CNGA3: variants seen among roughly 807,000 people sequenced by gnomAD.
CNGA3 encodes the protein cyclic nucleotide gated channel subunit alpha 3, also known as cyclic nucleotide-gated channel alpha-3.
In CNGA3, 42 loss-of-function variants were observed where a neutral mutation model predicts 46.6. The ratio of observed to expected loss-of-function variants is 0.90; its 90% CI spans 0.70 to 1.17. The LOEUF is 1.17. Among genes scored for constraint, CNGA3 ranks in the 50% most tolerant of loss-of-function variants. The probability of loss-of-function intolerance (pLI) is 0.00; values close to 1 mark genes in which losing one functional copy is unlikely to be tolerated. For missense variants in CNGA3, 893 were observed against 890.7 expected (o/e 1.00, Z -0.03); for synonymous variants, 394 against 369.4 (o/e 1.07, Z -0.76).
chr2:98,349,121 A>AT (rs886844946), intron 1 of CNGA3, among the ~76,000 whole-genome samples: 1 of 152,126 alleles, frequency 6.6e-6, no homozygotes, highest in Non-Finnish European at 1.5e-5. Context: ...GCAATGTCTG[A>AT]TTTTTTGGGG....
At chr2:98,385,210 G>A (rs753216832) in intron 5 of CNGA3, among the ~76,000 whole-genome samples, 3 of 152,160 alleles carry the variant, frequency 2.0e-5, no homozygotes, top group African/African-American at 2.4e-5. Context: ...TGAGTCCGGC[G>A]TAAACTGCAG....
chr2:98,375,305 G>A (rs1272903145), intron 2 of CNGA3, among the ~76,000 whole-genome samples: 1 of 152,220 alleles, frequency 6.6e-6, no homozygotes, highest in African/African-American at 2.4e-5. Flanking sequence ...TTGGTGCCTA[G>A]AGCTCCCTGA....
chr2:98,392,137 C>G (rs1339168844), intron 7 of CNGA3, among the ~76,000 whole-genome samples, 167 bp downstream of exon 7: 5 of 152,212 alleles, frequency 3.3e-5, no homozygotes, highest in African/African-American at 1.2e-4. Flanking sequence ...CCCTTCTACA[C>G]GGAACCCTTG....
rs749591705 is a variant in CNGA3 at position 98,396,210 on chromosome 2, G to A, written c.1040G>A (p.Arg347His). The part of the protein sequence containing the change: ...YPNISIPEHG[R>H]LSRKYIYSLY... ...AACATCTCAATCCCAGAGCATGGGC[G>A]CCTCTCCAGGAAGTACATTTACAGT... The change falls in exon 8 of 8, where the codon CGC becomes CAC. Residue 347 changes from arginine (R) to histidine (H), a missense_variant. By Grantham distance (29) the Arg-to-His change is conservative (BLOSUM62 0). Around this residue, in one of 3 missense-constraint regions of CNGA3, gnomAD observed 548 missense variants for 570.8 expected, o/e 0.96. Transcript: ENST00000272602. The A allele has an allele frequency of 7.4e-6, 12 of 1,614,032 alleles. No individual in the cohort carries two copies. Among genetic ancestry groups the A allele is most frequent in the Admixed American group, 5.0e-5 (3 of 60,006 alleles).
chr2:98,389,689 G>T lies in CNGA3; in HGVS notation c.481G>T (p.Val161Leu). 1 of 1,613,910 alleles carries T rather than the reference G, an allele frequency of 6.2e-7. No individual in the cohort carries two copies. The change falls in exon 6 of 8, where the codon GTG becomes TTG. Residue 161 changes from valine to leucine, a missense_variant. Coordinates refer to ENST00000272602, the MANE Select transcript of CNGA3 (RefSeq NM_001298.3). ...GACGAAAAAGAAGGATGCGATCGTG[G>T]TGGACCCGTCCAGCAACCTGTACTA... Reference protein sequence around the residue: ...KKTKKKDAIVVDPSSNLYYRW... With the variant: ...KKTKKKDAIVLDPSSNLYYRW...
intron 2 of CNGA3, among the ~76,000 whole-genome samples, chr2:98,374,231 G>A (rs950413940): frequency 1.3e-5 from 2 of 152,158 alleles, no homozygotes; most frequent in Admixed American, 6.5e-5. Context: ...CCTTACCAAC[G>A]TTAATTCCTC....
At chr2:98,360,908 T>C (rs572116589) in intron 1 of CNGA3, among the ~76,000 whole-genome samples, 2 of 152,314 alleles carry the variant, frequency 1.3e-5, no homozygotes, top group East Asian at 3.9e-4. Context: ...GTAAAAAGCT[T>C]AGCACATTGA....
In CNGA3 at chr2:98,374,870, A is replaced by T. The variant is rs137979636; in HGVS notation, c.102-2817A>T. Among the ~76,000 whole-genome samples the T allele has an allele frequency of 1.6e-4, 25 of 152,378 alleles. 1 individual carries two copies. In the East Asian group the frequency reaches 4.8e-3, roughly 29 times the overall value. ...CCCCTGGAACTTGCATCATGTAAGGATCTCCCTGTTCTTCACGGCCAGTTG... is the reference window on the plus strand; with the variant it reads ...CCCCTGGAACTTGCATCATGTAAGGTTCTCCCTGTTCTTCACGGCCAGTTG... On this transcript the variant is annotated intron_variant, in intron 2 of 7. Coordinates refer to ENST00000272602, the MANE Select transcript of CNGA3 (RefSeq NM_001298.3).
intron 1 of CNGA3, among the ~76,000 whole-genome samples, chr2:98,368,392 G>C (rs1039958706): frequency 1.3e-5 from 2 of 152,238 alleles, no homozygotes; most frequent in Non-Finnish European, 2.9e-5. Context: ...CTGCTCAAGA[G>C]AGCCTGTGCT....
chr2:98,388,299 G>A (rs759270354), intron 5 of CNGA3, among the ~76,000 whole-genome samples: 82 of 152,198 alleles, frequency 5.4e-4, no homozygotes, highest in Admixed American at 2.7e-3. Flanking sequence ...AGAGAAAAAA[G>A]AAGAGAGAAA....
intron 1 of CNGA3, among the ~76,000 whole-genome samples, chr2:98,365,146 T>C (rs1692117963): frequency 6.6e-6 from 1 of 151,994 alleles, no homozygotes; most frequent in African/African-American, 2.4e-5. Context: ...CAAGCGATTC[T>C]CCTGCCTCAG....
intron 4 of CNGA3, among the ~76,000 whole-genome samples, chr2:98,380,978 TG>T (rs1692524882): frequency 6.6e-6 from 1 of 152,090 alleles, no homozygotes; most frequent in Non-Finnish European, 1.5e-5. Flanking sequence ...TCTGCAGAAC[TG>T]GGGCCTCTCT....
rs141749912 is a variant in CNGA3, at chr2:98,393,620, AC to A, written c.673+1651del. On this transcript the variant is annotated intron_variant, in intron 7 of 7. Coordinates refer to ENST00000272602, the MANE Select transcript of CNGA3 (RefSeq NM_001298.3). The stretch of plus-strand genomic sequence containing the variant: ...TGCAGTCATGTTAAACTCCACAGAC[AC>A]ACGAGCTCTGTAAGTGGCCCATTGG... 4.7e-3 allele frequency among the ~76,000 whole-genome samples: 716 copies of A among 152,328 alleles called. 5 individuals carry two copies. Among genetic ancestry groups the A allele is most frequent in the African/African-American group, 0.016 (651 of 41,556 alleles).
chr2:98,382,859 A>C (rs1452488602), intron 4 of CNGA3, among the ~76,000 whole-genome samples: 1 of 152,204 alleles, frequency 6.6e-6, no homozygotes, highest in Non-Finnish European at 1.5e-5. Context: ...TGAAAACAGC[A>C]ACAATCCCAC....
chr2:98,381,487 C>A (rs985255115), intron 4 of CNGA3, among the ~76,000 whole-genome samples: 1 of 152,136 alleles, frequency 6.6e-6, no homozygotes, highest in African/African-American at 2.4e-5. Context: ...GTGGCTCTTT[C>A]GGGAACGTCC....
At position 98,396,993 on chromosome 2, in the gene CNGA3, A is replaced by G; in HGVS notation, c.1823A>G (p.Lys608Arg). 1 of 1,614,046 alleles carries G rather than the reference A, an allele frequency of 6.2e-7. No individual in the cohort carries two copies. The highest frequency in any genetic ancestry group is 1.1e-5 in the South Asian group (1 of 91,070). ...LEEKGRQILMKDNLIDEELAR... is the reference protein window; with the variant it reads ...LEEKGRQILMRDNLIDEELAR... Reference sequence around the variant, plus strand: ...GAGAAAGGACGGCAGATCCTGATGAAAGACAACCTGATCGATGAGGAGCTG... The same window carrying G: ...GAGAAAGGACGGCAGATCCTGATGAGAGACAACCTGATCGATGAGGAGCTG... Residue 608 changes from lysine (K) to arginine (R), a missense_variant, in exon 8 of 8, where the codon AAA (lysine) becomes AGA (arginine). Physicochemically the swap from Lys to Arg is conservative, Grantham distance 26. Around this residue, in one of 3 missense-constraint regions of CNGA3, gnomAD observed 548 missense variants for 570.8 expected, o/e 0.96. Coordinates refer to ENST00000272602, the MANE Select transcript of CNGA3 (RefSeq NM_001298.3).
chr2:98,362,258 C>A (rs1227941691), intron 1 of CNGA3, among the ~76,000 whole-genome samples: 1 of 144,076 alleles, frequency 6.9e-6, no homozygotes, highest in African/African-American at 2.6e-5. Context: ...CGGCTCACTG[C>A]AACCTCTGCC....
chr2:98,396,034 T>G lies in CNGA3; in HGVS notation c.864T>G (p.Phe288Leu). The G allele has an allele frequency of 6.2e-7, 1 of 1,614,246 alleles. No homozygotes were observed. ...LLKFSRLFEF[F>L]DRTETRTNYP... ...AGTTTTCCCGGCTCTTTGAATTCTT[T>G]GACCGCACAGAGACAAGGACCAACT... Residue 288 changes from phenylalanine to leucine, a missense_variant, in exon 8 of 8, where the codon TTT becomes TTG. Transcript: ENST00000272602.
intron 2 of CNGA3, among the ~76,000 whole-genome samples, chr2:98,376,084 C>T (rs1692395280): frequency 6.6e-6 from 1 of 152,008 alleles, no homozygotes; most frequent in Admixed American, 6.6e-5. Context: ...TCGAGTTACT[C>T]AGATCAGTGG....
Sources: gnomAD v4.1 joint callset for allele counts (sites outside exome capture counted in the v4.1 genomes callset) on GRCh38, gnomAD v4.1.1 for gene constraint, gnomAD v4.1.1 regional missense constraint, MANE v1.5 for transcripts, NCBI Gene and HGNC (gene_info 2026-07-23, HGNC 2026-07-21) for gene names.